COL17A1: variants seen among roughly 807,000 people sequenced by gnomAD.
COL17A1 encodes collagen alpha-1(XVII) chain.
Under a neutral mutation model 218.4 loss-of-function variants are expected in COL17A1, and 181 were observed. The observed-to-expected ratio is 0.83, with a 90% confidence interval of 0.73 to 0.94. The LOEUF is 0.94. COL17A1 is among the 40% of genes least tolerant of loss of function. The pLI is 0.00. For missense variants in COL17A1, 1,924 were observed against 1,945.9 expected, an observed-to-expected ratio of 0.99 and a Z score of 0.21; for synonymous variants, 721 against 731.0, an observed-to-expected ratio of 0.99 and a Z score of 0.22.
At chr10:104,064,386 G>A (rs781404054) in intron 10 of COL17A1, 52 bp downstream of exon 10, 1 of 1,612,734 alleles carries the variant, frequency 6.2e-7, no homozygotes, top group Non-Finnish European at 8.5e-7. Flanking sequence ...CTCCAGGATA[G>A]AGGCATGCCG....
chr10:104,046,692 C>T, intron 32 of COL17A1, 55 bp downstream of exon 32: 1 of 1,580,370 alleles, frequency 6.3e-7, no homozygotes, highest in Non-Finnish European at 8.7e-7. Flanking sequence ...CTGGCCCAAG[C>T]AGTTACCCCA....
intron 53 of COL17A1, 112 bp downstream of exon 53, chr10:104,033,126 C>T (rs1844711136): frequency 6.6e-7 from 1 of 1,523,808 alleles, no homozygotes. Flanking sequence ...TAATTTTGAG[C>T]ATCTCAAATG....
intron 14 of COL17A1, 25 bp from the exon 15 acceptor site, chr10:104,059,743 TG>T (rs1335202703): frequency 1.2e-6 from 2 of 1,608,296 alleles, no homozygotes; most frequent in South Asian, 2.2e-5. Context: ...CATTATAACC[TG>T]GCATATTCTC....
In COL17A1 at chr10:104,060,394, C is replaced by T. The variant is rs555769450; in HGVS notation, c.980-114G>A. 9 of 1,453,110 alleles carry T rather than the reference C, an allele frequency of 6.2e-6. No homozygotes were observed. The Admixed American group carries it at 7.8e-5, about 13-fold the overall frequency. 90.0% of individuals were successfully genotyped at this position (1,453,110 alleles called of 1,614,324 possible). ...GAGAAGGAGGAGGGAGGTAAATTAGCAGGTGTGTATGAGGGTCTCTTGTTC... is the reference window on the plus strand; with the variant it reads ...GAGAAGGAGGAGGGAGGTAAATTAGTAGGTGTGTATGAGGGTCTCTTGTTC... On this transcript the variant is annotated intron_variant, in intron 13 of 55. Coordinates refer to ENST00000648076, the MANE Select transcript of COL17A1 (RefSeq NM_000494.4).
intron 40 of COL17A1, 101 bp from the exon 41 acceptor site, chr10:104,040,100 G>T: frequency 7.2e-7 from 1 of 1,386,066 alleles, no homozygotes; most frequent in Non-Finnish European, 1.0e-6. Context: ...TGCTAGAGCA[G>T]ATATAGAACT....
intron 11 of COL17A1, chr10:104,063,493 C>T: frequency 1.8e-6 from 1 of 541,360 alleles, no homozygotes; most frequent in Non-Finnish European, 3.4e-6. Context: ...ATTTCCAATC[C>T]TCCAACTCTT....
intron 44 of COL17A1, 62 bp from the exon 45 acceptor site, chr10:104,038,590 C>G (rs781281637): frequency 2.5e-6 from 4 of 1,597,458 alleles, no homozygotes; most frequent in Non-Finnish European, 3.4e-6. Flanking sequence ...CAAACGGGCC[C>G]AGGAATAGCT....
rs533690110 is a variant in COL17A1, at chr10:104,053,848, G to A, written c.1834+72C>T. The A allele has an allele frequency of 8.0e-6, 7 of 876,142 alleles. No homozygotes were observed. The East Asian group carries it at 1.6e-4, about 20-fold the overall frequency. The allele number at this position is 876,142 out of a possible 1,614,324, so 54.3% of individuals were successfully genotyped here. On this transcript the variant is annotated intron_variant, in intron 22 of 55. Transcript: ENST00000648076. ...TAAAACAAGGCCTCACATACAGCAG[G>A]CACTTAATGAATGTTTATTAAATGA... is the stretch of plus-strand genomic sequence containing the variant.
At chr10:104,075,597 A>G (rs182370065) in intron 5 of COL17A1, among the ~76,000 whole-genome samples, 3 of 152,320 alleles carry the variant, frequency 2.0e-5, no homozygotes, top group Admixed American at 6.5e-5. Context: ...TTTCCAACAC[A>G]TGGCTTCCAG....
chr10:104,042,539 A>T, intron 35 of COL17A1, 84 bp from the exon 36 acceptor site: 1 of 1,421,870 alleles, frequency 7.0e-7, no homozygotes, highest in South Asian at 1.2e-5. Context: ...CTCCCAAGGC[A>T]TGGAACAGAG....
At position 104,035,542 on chromosome 10, in the gene COL17A1, A is replaced by G. The variant is rs944331219; in HGVS notation, c.3440T>C (p.Leu1147Pro). Residue 1147 changes from leucine (L) to proline (P), a missense_variant, in exon 49 of 56, where the codon CTT becomes CCT. Leu to Pro is a moderately conservative substitution (Grantham distance 98). Coordinates refer to ENST00000648076, the MANE Select transcript of COL17A1 (RefSeq NM_000494.4). ...GCCAGGGGGCCCCGGGGGACCAGGA[A>G]GCCCAATGCTGATCCCAGAACCTAG... ...YMSSSGISIG[L>P]PGPPGPPGLP... 1.2e-6 allele frequency: 2 copies of G among 1,613,782 alleles called. No homozygotes were observed. The highest frequency in any genetic ancestry group is 2.2e-5 in the South Asian group (2 of 91,020).
At chr10:104,039,170 C>G in intron 43 of COL17A1, 49 bp from the exon 44 acceptor site, 1 of 1,584,960 alleles carries the variant, frequency 6.3e-7, no homozygotes, top group Non-Finnish European at 8.7e-7. Flanking sequence ...GGAAGCCTTC[C>G]CTGGTTAAGC....
At chr10:104,059,747 A>G (rs2086565143) in intron 14 of COL17A1, 29 bp from the exon 15 acceptor site, 1 of 1,605,766 alleles carries the variant, frequency 6.2e-7, no homozygotes, top group Middle Eastern at 1.7e-4. Context: ...ATAACCTGGC[A>G]TATTCTCTTC....
intron 9 of COL17A1, among the ~76,000 whole-genome samples, chr10:104,068,315 A>G (rs1461539513): frequency 6.6e-6 from 1 of 152,264 alleles, no homozygotes; most frequent in East Asian, 1.9e-4. Flanking sequence ...ATGTCAAACT[A>G]AAGTTAAACC....
At chr10:104,065,097 C>T (rs967684235) in intron 9 of COL17A1, among the ~76,000 whole-genome samples, 1 of 152,212 alleles carries the variant, frequency 6.6e-6, no homozygotes, top group Admixed American at 6.5e-5. Flanking sequence ...TGCCTGGCAG[C>T]CTTCTCTGGT....
At chr10:104,043,704 C>T in intron 34 of COL17A1, 121 bp downstream of exon 34, 2 of 1,512,126 alleles carry the variant, frequency 1.3e-6, no homozygotes, top group African/African-American at 1.4e-5. Flanking sequence ...AAATTTCCCT[C>T]CTCCCCCGCT....
intron 54 of COL17A1, 48 bp from the exon 55 acceptor site, chr10:104,032,802 CT>C: frequency 6.2e-7 from 1 of 1,611,200 alleles, no homozygotes; most frequent in South Asian, 1.1e-5. Context: ...AGTCTGGGGA[CT>C]GAGGGCACAG....
intron 38 of COL17A1, 81 bp from the exon 39 acceptor site, chr10:104,041,199 G>A (rs1564673955): frequency 2.5e-6 from 4 of 1,607,860 alleles, no homozygotes; most frequent in Middle Eastern, 1.7e-4. Flanking sequence ...CAGCAGGGAA[G>A]CTCTTTCCTA....
chr10:104,042,520 G>A, intron 35 of COL17A1, 65 bp from the exon 36 acceptor site: 1 of 1,516,202 alleles, frequency 6.6e-7, no homozygotes, highest in Non-Finnish European at 9.2e-7. Context: ...AGAACTAAAG[G>A]CATAATTCCT....
Sources: gnomAD v4.1 joint callset for allele counts (sites outside exome capture counted in the v4.1 genomes callset) on GRCh38, gnomAD v4.1.1 for gene constraint, MANE v1.5 for transcripts, NCBI Gene and HGNC (gene_info 2026-07-23, HGNC 2026-07-21) for gene names.